Variants in SNRPN observed in about 807,000 individuals in gnomAD.
SNRPN encodes small nuclear ribonucleoprotein polypeptide N.
A neutral mutation model predicts 25.2 loss-of-function variants in SNRPN; 7 were observed. The observed-to-expected ratio is 0.28, with a 90% CI of 0.16 to 0.52. The LOEUF is 0.52. Ranked by LOEUF, SNRPN falls within the 20% of genes least tolerant of loss-of-function variation. SNRPN has a pLI of 0.96. For missense variants in SNRPN, 196 were observed against 322.5 expected, an observed-to-expected ratio of 0.61 and a Z score of 3.00; for synonymous variants, 124 against 110.6, an observed-to-expected ratio of 1.12 and a Z score of -0.76.
rs909211596 is a variant in SNRPN at position 24,909,036 on chromosome 15, T to C, written c.-504-10975T>C. The C allele has an allele frequency of 8.4e-6, 12 of 1,427,478 alleles. No individual in the cohort carries two copies. The Admixed American group carries it at 2.0e-4, about 24-fold the overall frequency. 88.4% of individuals were successfully genotyped at this position (1,427,478 alleles called of 1,614,324 possible). A position where few individuals can be genotyped will look rare whatever the true frequency, so the allele number is the denominator to read the frequency against. ...ATTTTGGGATGGTTCCACCTCTTCT[T>C]TTTAACTTCTTTCTTGGGCTTATTT... On this transcript the variant is annotated intron_variant, in intron 2 of 11. Transcript: ENST00000400097.
chr15:24,835,079 CTATA>C lies in SNRPN; in HGVS notation c.-579+5179_-579+5182del, dbSNP rs1159649346. 5.3e-5 allele frequency among the ~76,000 whole-genome samples: 2 copies of C among 37,896 alleles called. 1 individual carries two copies. The highest frequency in any genetic ancestry group is 1.2e-4 in the Non-Finnish European group (2 of 17,306). 24.9% of individuals were successfully genotyped at this position (37,896 alleles called of 152,430 possible). On this transcript the variant is annotated intron_variant, in intron 2 of 12. Transcript: ENST00000400100. Reference sequence around the variant, plus strand: ...AAATATAGATATATAGTATATATATCTATATATAAAATATATAGATATATATACT... The same window carrying C: ...AAATATAGATATATAGTATATATATCTATAAAATATATAGATATATATACT...
At chr15:24,883,580 A>C (rs1441745775) in intron 1 of SNRPN, among the ~76,000 whole-genome samples, 1 of 152,234 alleles carries the variant, frequency 6.6e-6, no homozygotes, top group South Asian at 2.1e-4. Flanking sequence ...CATCATTGGC[A>C]ATATCTTACA....
In SNRPN at chr15:24,858,660, G is replaced by A. The variant is rs531439778; in HGVS notation, c.-579+1944G>A. On this transcript the variant is annotated intron_variant, in intron 1 of 11. Coordinates refer to the SNRPN transcript ENST00000400097. Reference sequence around the variant, plus strand: ...AAAAAAAAATACAAAAATTAGCCGGGCATGCTGATATGCACCTGTAATCCC... The same window carrying A: ...AAAAAAAAATACAAAAATTAGCCGGACATGCTGATATGCACCTGTAATCCC... 7.9e-5 allele frequency among the ~76,000 whole-genome samples: 12 copies of A among 152,004 alleles called. No individual in the cohort carries two copies. In the East Asian group the frequency reaches 2.3e-3, roughly 30 times the overall value.
At chr15:24,913,981 AGTTACTAAGCAT>A (rs1313162046) in intron 2 of SNRPN, among the ~76,000 whole-genome samples, 2 of 152,186 alleles carry the variant, frequency 1.3e-5, no homozygotes, top group African/African-American at 2.4e-5. Flanking sequence ...AGATAAATTC[AGTTACTAAGCAT>A]GTTGCTATAA....
At chr15:24,963,326 C>T (rs578075380) in intron 2 of SNRPN, among the ~76,000 whole-genome samples, 32 of 152,138 alleles carry the variant, frequency 2.1e-4, no homozygotes, top group African/African-American at 4.8e-4. Context: ...ACTTTGAAAA[C>T]GCAGTGTAGG....
chr15:24,915,122 ATATT>A (rs991307772), intron 2 of SNRPN, among the ~76,000 whole-genome samples: 35 of 151,742 alleles, frequency 2.3e-4, no homozygotes, highest in African/African-American at 8.2e-4. Context: ...GTTCTTTTTT[ATATT>A]TATTTATTTA....
At position 24,902,535 on chromosome 15, in the gene SNRPN, G is replaced by C. The variant is rs8038269; in HGVS notation, c.-505+15946G>C. On this transcript the variant is annotated intron_variant, in intron 2 of 11. Coordinates refer to the SNRPN transcript ENST00000400097. Reference sequence around the variant, plus strand: ...GGGTTCTTGGTCTTGCTGACTTCAAGAATGAAGCCGTGCACCCTGGCAGTG... The same window carrying C: ...GGGTTCTTGGTCTTGCTGACTTCAACAATGAAGCCGTGCACCCTGGCAGTG... Among the ~76,000 whole-genome samples the C allele has an allele frequency of 3.6e-3, 551 of 152,278 alleles. 6 individuals are homozygous for C. Among genetic ancestry groups the C allele is most frequent in the African/African-American group, 0.013 (522 of 41,554 alleles).
intron 3 of SNRPN, among the ~76,000 whole-genome samples, chr15:24,936,848 A>G (rs1262890845): frequency 6.6e-6 from 1 of 152,150 alleles, no homozygotes; most frequent in African/African-American, 2.4e-5. Flanking sequence ...GGGGGCACAG[A>G]CTCAAACCAC....
chr15:24,951,596 C>T (rs1245714976), upstream of SNRPN, among the ~76,000 whole-genome samples: 1 of 151,860 alleles, frequency 6.6e-6, no homozygotes, highest in African/African-American at 2.4e-5. Flanking sequence ...CAATCTCTGC[C>T]TCCTGGGTTC....
At chr15:24,901,173 T>TA (rs1221040561) in intron 2 of SNRPN, among the ~76,000 whole-genome samples, 4 of 152,194 alleles carry the variant, frequency 2.6e-5, no homozygotes, top group African/African-American at 7.2e-5. Flanking sequence ...ATGTATTCCT[T>TA]GGTATTGCCG....
chr15:24,962,930 A>G (rs989447479), intron 2 of SNRPN, among the ~76,000 whole-genome samples: 1 of 152,190 alleles, frequency 6.6e-6, no homozygotes, highest in African/African-American at 2.4e-5. Flanking sequence ...AAGTATTAAA[A>G]ATTCATGAAG....
intron 1 of SNRPN, among the ~76,000 whole-genome samples, chr15:24,876,490 G>A (rs1306685831): frequency 6.6e-6 from 1 of 151,814 alleles, no homozygotes; most frequent in African/African-American, 2.4e-5. Flanking sequence ...GGTGGCGTGC[G>A]CCTGTAATCC....
intron 2 of SNRPN, among the ~76,000 whole-genome samples, chr15:24,888,456 T>A (rs953137538): frequency 6.6e-6 from 1 of 152,192 alleles, no homozygotes; most frequent in African/African-American, 2.4e-5. Context: ...CTACACAACA[T>A]CAGTTTTGTA....
At chr15:24,855,791 CAAAAAAAAAAAAA>C (rs56081812), upstream of SNRPN, among the ~76,000 whole-genome samples, 3 of 71,992 alleles carry the variant, frequency 4.2e-5, no homozygotes, top group Admixed American at 1.7e-4. Context: ...GAATCTGTCT[CAAAAAAAAAAAAA>C]AAAAAAAAAA....
intron 1 of SNRPN, among the ~76,000 whole-genome samples, chr15:24,876,728 G>T (rs541436469): frequency 2.4e-4 from 36 of 152,060 alleles, no homozygotes; most frequent in African/African-American, 8.2e-4. Context: ...AGGTTTCCTC[G>T]AAGAGGCAGT....
chr15:24,918,682 A>G lies in SNRPN; in HGVS notation c.-504-1329A>G, dbSNP rs1449611529. ...TATAACATAATATATATGTGTGCAT[A>G]TATATAACATAATATATATGTGTGC... On this transcript the variant is annotated intron_variant, in intron 2 of 11. Transcript: ENST00000400097. Among the ~76,000 whole-genome samples, 3 of 104,810 alleles carry G rather than the reference A, an allele frequency of 2.9e-5. No homozygotes were observed. The East Asian group carries it at 7.7e-4, about 27-fold the overall frequency. The allele number at this position is 104,810 out of a possible 152,430, so 68.8% of individuals were successfully genotyped here.
intron 1 of SNRPN, among the ~76,000 whole-genome samples, chr15:24,824,156 G>A (rs1031877807): frequency 1.2e-4 from 18 of 152,066 alleles, no homozygotes; most frequent in African/African-American, 3.6e-4. Flanking sequence ...GAGGGTCAGA[G>A]ACTTTCCTGA....
intron 1 of SNRPN, among the ~76,000 whole-genome samples, chr15:24,874,092 C>G (rs951519984): frequency 7.9e-5 from 12 of 151,098 alleles, no homozygotes; most frequent in Non-Finnish European, 8.8e-5. Context: ...TGGCAGATCA[C>G]GAGGTCAGGA....
At chr15:24,940,541 A>G (rs570743904) in intron 3 of SNRPN, among the ~76,000 whole-genome samples, 3 of 152,266 alleles carry the variant, frequency 2.0e-5, no homozygotes, top group Admixed American at 1.3e-4. Flanking sequence ...TGGGATCTCT[A>G]TTCTATTCCA....
Sources: gnomAD v4.1 joint callset for allele counts (sites outside exome capture counted in the v4.1 genomes callset) on GRCh38, gnomAD v4.1.1 for gene constraint, MANE v1.5 for transcripts, NCBI Gene and HGNC (gene_info 2026-07-23, HGNC 2026-07-21) for gene names.